Variants in NRG4 observed in about 807,000 individuals in gnomAD.
NRG4 encodes the protein neuregulin 4.
A neutral mutation model predicts 15.0 loss-of-function variants in NRG4; 10 were observed. The ratio of observed to expected loss-of-function variants is 0.67; its 90% CI spans 0.41 to 1.13. The LOEUF (loss-of-function observed/expected upper bound fraction) is 1.13. Ranked by LOEUF, NRG4 falls within the 50% of genes most tolerant of loss-of-function variation. NRG4 has a pLI of 0.00. For synonymous variants in NRG4, 41 were observed against 50.1 expected (o/e 0.82, Z 0.77); for missense variants, 139 against 140.2 (o/e 0.99, Z 0.04).
intron 4 of NRG4, among the ~76,000 whole-genome samples, chr15:76,044,856 A>T (rs1006913564): frequency 1.3e-5 from 2 of 150,148 alleles, no homozygotes; most frequent in Non-Finnish European, 3.0e-5. Flanking sequence ...AAAAAAAAAA[A>T]AGATTTCTTG....
At chr15:75,947,989 G>C (rs566226057) in intron 5 of NRG4, among the ~76,000 whole-genome samples, 9 of 152,154 alleles carry the variant, frequency 5.9e-5, no homozygotes, top group Non-Finnish European at 1.3e-4. Context: ...TCCTTTGCCC[G>C]TTTTTGAATT....
intron 3 of NRG4, chr15:76,005,675 C>T (rs1173267311): frequency 3.6e-6 from 1 of 278,744 alleles, no homozygotes. Context: ...GAGACTCTGT[C>T]TCAGAAAAAA....
At position 75,944,755 on chromosome 15, in the gene NRG4, T is replaced by TTG. The variant is rs5813810; in HGVS notation, c.332-1103_332-1102dup. On this transcript the variant is annotated intron_variant, in intron 5 of 5. Transcript: ENST00000394907. ...TCTTGTCACATTTAGTAAAAGGCTTTTGTGTGTGTGTGTGGGGGGGTGGTT... is the reference window on the plus strand; with the variant it reads ...TCTTGTCACATTTAGTAAAAGGCTTTTGTGTGTGTGTGTGTGGGGGGGTGGTT... Among the ~76,000 whole-genome samples, 419 of 150,816 alleles carry TTG rather than the reference T, an allele frequency of 2.8e-3. 2 individuals are homozygous for TTG. The highest frequency in any genetic ancestry group is 9.7e-3 in the African/African-American group (393 of 40,616).
At chr15:75,969,250 G>A (rs2032979327) in intron 3 of NRG4, 1 of 455,474 alleles carries the variant, frequency 2.2e-6, no homozygotes, top group Admixed American at 2.4e-5. Context: ...AAGTATTAGA[G>A]CTGGGCAAAA....
chr15:76,056,389 C>T (rs757565302), intron 2 of NRG4, among the ~76,000 whole-genome samples: 6 of 151,876 alleles, frequency 4.0e-5, no homozygotes, highest in African/African-American at 1.2e-4. Flanking sequence ...ACCTGGGAGG[C>T]GGAGATTGCA....
chr15:75,936,039 G>T (rs928063411), downstream of NRG4: 1 of 152,210 alleles, frequency 6.6e-6, no homozygotes, highest in Admixed American at 6.5e-5. Flanking sequence ...CGCCCGCCTC[G>T]GCCTCCCAAA....
intron 3 of NRG4, among the ~76,000 whole-genome samples, chr15:75,962,922 A>C (rs544381476): frequency 2.6e-5 from 4 of 152,364 alleles, no homozygotes; most frequent in African/African-American, 9.6e-5. Context: ...AAAAAGGTTG[A>C]TTCTACTAAA....
chr15:76,038,938 G>C (rs1239928328), intron 4 of NRG4, among the ~76,000 whole-genome samples: 3 of 152,228 alleles, frequency 2.0e-5, no homozygotes, highest in African/African-American at 7.2e-5. Flanking sequence ...TTGGGAGAAA[G>C]TAAGGGAAGA....
intron 3 of NRG4, among the ~76,000 whole-genome samples, chr15:75,971,768 A>G (rs2033103837): frequency 6.6e-6 from 1 of 152,202 alleles, no homozygotes; most frequent in Non-Finnish European, 1.5e-5. Context: ...ACTAAGAAAC[A>G]TTTAAAAAAA....
At chr15:75,999,570 C>T (rs1302142074) in intron 3 of NRG4, among the ~76,000 whole-genome samples, 1 of 152,160 alleles carries the variant, frequency 6.6e-6, no homozygotes, top group Non-Finnish European at 1.5e-5. Context: ...CACCACACAC[C>T]AAAAGCTGGT....
At chr15:76,060,186 G>A (rs1219875700), upstream of NRG4, among the ~76,000 whole-genome samples, 3 of 152,020 alleles carry the variant, frequency 2.0e-5, no homozygotes, top group Non-Finnish European at 2.9e-5. Flanking sequence ...AGCCAGGCGA[G>A]GGTGCGTGGG....
At position 75,982,447 on chromosome 15, in the gene NRG4, A is replaced by G. The variant is rs554082136; in HGVS notation, c.105-20473T>C. Among the ~76,000 whole-genome samples the G allele has an allele frequency of 1.6e-3, 238 of 152,214 alleles. 1 individual carries two copies. The highest frequency in any genetic ancestry group is 2.9e-3 in the Non-Finnish European group (197 of 68,038). ...CAATGGCCATTCTTGATTTAAAACAATAAGTGGAATATGAGAGGTTCCACT... is the reference window on the plus strand; with the variant it reads ...CAATGGCCATTCTTGATTTAAAACAGTAAGTGGAATATGAGAGGTTCCACT... On this transcript the variant is annotated intron_variant, in intron 3 of 5. Transcript: ENST00000394907.
intron 3 of NRG4, among the ~76,000 whole-genome samples, chr15:75,995,205 AAAAG>A (rs1046434647): frequency 2.2e-4 from 34 of 151,810 alleles, no homozygotes; most frequent in Non-Finnish European, 3.7e-4. Flanking sequence ...CTCAAAAAAA[AAAAG>A]AAAGAAAGAA....
chr15:75,964,026 A>AT (rs1258792158), intron 3 of NRG4, among the ~76,000 whole-genome samples: 3 of 152,048 alleles, frequency 2.0e-5, no homozygotes, highest in Non-Finnish European at 2.9e-5. Flanking sequence ...TAAATTACCA[A>AT]TTTTTCCATA....
chr15:76,011,523 T>C (rs761036636), intron 1 of NRG4, among the ~76,000 whole-genome samples: 2 of 152,200 alleles, frequency 1.3e-5, no homozygotes, highest in Non-Finnish European at 2.9e-5. Context: ...ATTGCCTAAA[T>C]AATGTAATTT....
intron 1 of NRG4, among the ~76,000 whole-genome samples, chr15:76,057,834 A>C (rs2036190397): frequency 6.7e-6 from 1 of 150,266 alleles, no homozygotes; most frequent in Non-Finnish European, 1.5e-5. Context: ...ATAAATATTT[A>C]TAAATATAAA....
At chr15:76,010,897 C>A (rs972589682) in intron 2 of NRG4, among the ~76,000 whole-genome samples, 2 of 152,016 alleles carry the variant, frequency 1.3e-5, no homozygotes, top group African/African-American at 4.8e-5. Flanking sequence ...ACTCATCTAA[C>A]CTGAATCATT....
Position 75,961,960 on chromosome 15 carries a change from T to C in NRG4, c.119A>G (p.Tyr40Cys), listed in dbSNP as rs779178186. 1.2e-6 allele frequency: 2 copies of C among 1,612,228 alleles called. No individual in the cohort carries two copies. Among genetic ancestry groups the C allele is most frequent in the Non-Finnish European group, 1.7e-6 (2 of 1,178,840 alleles). The stretch of plus-strand genomic sequence containing the variant: ...AACCTCTTCACAACGAGCTCCTGTA[T>C]AGTTTTCAACGCACCTACAGAATAA... The part of the protein sequence containing the change: ...PSPFCRCVEN[Y>C]TGARCEEVFL... The change falls in exon 4 of 6, where the codon TAT becomes TGT. Residue 40 changes from tyrosine to cysteine, a missense_variant. By Grantham distance (194) the Tyr-to-Cys change is radical (BLOSUM62 -2). Coordinates refer to ENST00000394907, the MANE Select transcript of NRG4 (RefSeq NM_138573.4).
intron 4 of NRG4, among the ~76,000 whole-genome samples, chr15:76,043,451 T>C (rs1237776106): frequency 1.3e-5 from 2 of 152,180 alleles, no homozygotes; most frequent in Non-Finnish European, 2.9e-5. Context: ...TCAGCAAAGT[T>C]ACAGGATACA....
Sources: allele counts gnomAD v4.1 joint callset (sites outside exome capture counted in the v4.1 genomes callset), GRCh38; gene constraint gnomAD v4.1.1; transcripts MANE v1.5; gene names NCBI Gene and HGNC (gene_info 2026-07-23, HGNC 2026-07-21).